The following SH3RF3 variants were observed in gnomAD, a reference collection of about 807,000 sequenced individuals.
SH3RF3 encodes the protein SH3 domain containing ring finger 3.
In SH3RF3, 29 loss-of-function variants were observed where a neutral mutation model predicts 66.3. The observed-to-expected ratio is 0.44, with a 90% CI of 0.33 to 0.60. SH3RF3 has a LOEUF of 0.60. Among genes scored for constraint, SH3RF3 ranks in the 20% least tolerant of loss-of-function variants. The pLI, the probability that SH3RF3 is intolerant of heterozygous loss-of-function variation, is 0.04. For missense variants in SH3RF3, 1,194 were observed against 1,190.9 expected (o/e 1.00, Z -0.04); for synonymous variants, 583 against 532.0 (o/e 1.10, Z -1.32).
intron 1 of SH3RF3, among the ~76,000 whole-genome samples, chr2:109,322,136 T>G: frequency 6.7e-6 from 1 of 149,296 alleles, no homozygotes; most frequent in Non-Finnish European, 1.5e-5. Context: ...GGGTAAGGAG[T>G]AAGGGGGAGG....
At chr2:109,252,029 T>C (rs1680104918) in intron 1 of SH3RF3, among the ~76,000 whole-genome samples, 1 of 152,082 alleles carries the variant, frequency 6.6e-6, no homozygotes, top group African/African-American at 2.4e-5. Context: ...GATGGATCAC[T>C]TGAGCTAAGG....
At chr2:109,202,321 G>T (rs1156584097) in intron 1 of SH3RF3, among the ~76,000 whole-genome samples, 1 of 152,178 alleles carries the variant, frequency 6.6e-6, no homozygotes, top group Non-Finnish European at 1.5e-5. Context: ...GATGGATAAT[G>T]AAACTCCCTA....
At chr2:109,479,864 T>C (rs1678788980) in intron 8 of SH3RF3, among the ~76,000 whole-genome samples, 1 of 152,050 alleles carries the variant, frequency 6.6e-6, no homozygotes, top group South Asian at 2.1e-4. Context: ...CTCAGAGCCT[T>C]CATACGGCAG....
Position 109,503,273 on chromosome 2 carries a change from T to C in SH3RF3, c.*1602T>C, listed in dbSNP as rs1313980660. 3.9e-5 allele frequency: 6 copies of C among 152,180 alleles called. No homozygotes were observed. The highest frequency in any genetic ancestry group is 9.7e-5 in the African/African-American group (4 of 41,434). The allele number at this position is 152,180 out of a possible 1,614,324, so 9.4% of individuals were successfully genotyped here. A position where few individuals can be genotyped will look rare whatever the true frequency, so the allele number is the denominator to read the frequency against. ...CTGAAGAAACTAGCCTTTGGTAACA[T>C]AGGGTGTCATTGGTTTTCAGGGATG... On this transcript the variant is annotated 3_prime_UTR_variant, in exon 10 of 10. Transcript: ENST00000309415.
chr2:109,357,471 G>A (rs989216818), intron 2 of SH3RF3, among the ~76,000 whole-genome samples: 7 of 152,196 alleles, frequency 4.6e-5, no homozygotes, highest in Non-Finnish European at 7.3e-5. Context: ...GTGAGCCACC[G>A]CACCCGGCCA....
intron 1 of SH3RF3, among the ~76,000 whole-genome samples, chr2:109,255,985 A>C (rs554607232): frequency 1.1e-4 from 16 of 152,260 alleles, no homozygotes; most frequent in South Asian, 6.2e-4. Flanking sequence ...CCCCTGAGGA[A>C]GATTCCCTGT....
At position 109,454,464 on chromosome 2, in the gene SH3RF3, G is replaced by A. The variant is rs553995258; in HGVS notation, c.2148+4975G>A. Among the ~76,000 whole-genome samples, 426 of 152,240 alleles carry A rather than the reference G, an allele frequency of 2.8e-3. 2 individuals are homozygous for A. Among genetic ancestry groups the A allele is most frequent in the African/African-American group, 3.1e-3 (128 of 41,536 alleles). ...CATGAGTGGTGCTCCTTGCCTCCTC[G>A]GGGTTCTGAGCCTCTTGCTGTCCCT... On this transcript the variant is annotated intron_variant, in intron 8 of 9. Transcript: ENST00000309415.
Position 109,490,059 on chromosome 2 carries a change from C to A in SH3RF3, c.2149-546C>A, listed in dbSNP as rs150584455. ...AGCCTGGATGAGCTCTTGGTCTTAG[C>A]TTTGTTTTCCTCCTCTGAGCCACTT... On this transcript the variant is annotated intron_variant, in intron 8 of 9. Transcript: ENST00000309415. 8.1e-3 allele frequency among the ~76,000 whole-genome samples: 1,237 copies of A among 152,278 alleles called. 11 individuals carry two copies. The highest frequency in any genetic ancestry group is 0.029 in the South Asian group (141 of 4,820).
chr2:109,285,774 C>T (rs1183598985), intron 1 of SH3RF3, among the ~76,000 whole-genome samples: 1 of 152,216 alleles, frequency 6.6e-6, no homozygotes, highest in African/African-American at 2.4e-5. Flanking sequence ...CCAGACCTGG[C>T]AGGGTGTGAG....
chr2:109,487,791 C>T (rs913312358), intron 8 of SH3RF3, among the ~76,000 whole-genome samples: 8 of 152,128 alleles, frequency 5.3e-5, no homozygotes, highest in Non-Finnish European at 8.8e-5. Context: ...GGGCTCTCCC[C>T]GACGGGCCCA....
intron 1 of SH3RF3, among the ~76,000 whole-genome samples, chr2:109,314,651 A>C (rs1453707548): frequency 2.6e-5 from 4 of 152,216 alleles, no homozygotes; most frequent in Non-Finnish European, 5.9e-5. Flanking sequence ...TAAACTTGTA[A>C]ATTAATCCTC....
chr2:109,195,514 A>G (rs922220456), intron 1 of SH3RF3, among the ~76,000 whole-genome samples: 1 of 152,112 alleles, frequency 6.6e-6, no homozygotes, highest in Non-Finnish European at 1.5e-5. Flanking sequence ...TTGGAAACCT[A>G]CGTTCTTTAG....
intron 1 of SH3RF3, among the ~76,000 whole-genome samples, chr2:109,136,615 T>G (rs1278198130): frequency 6.6e-6 from 1 of 152,160 alleles, no homozygotes; most frequent in Non-Finnish European, 1.5e-5. Context: ...GCTGCAGCTC[T>G]CCTTTGGGAG....
intron 1 of SH3RF3, among the ~76,000 whole-genome samples, chr2:109,317,812 C>CT (rs1040284793): frequency 8.5e-5 from 13 of 152,152 alleles, no homozygotes; most frequent in African/African-American, 3.1e-4. Context: ...TATCCTAGGA[C>CT]TTTAAGAACT....
At chr2:109,276,754 G>A (rs891425) in intron 1 of SH3RF3, among the ~76,000 whole-genome samples, 45,200 of 151,846 alleles carry the variant, frequency 0.3, 7,082 homozygotes, top group East Asian at 0.46. Flanking sequence ...CTTCTCTGTT[G>A]TTTTGTTTCT....
At chr2:109,165,109 C>T (rs1444128233) in intron 1 of SH3RF3, among the ~76,000 whole-genome samples, 2 of 152,206 alleles carry the variant, frequency 1.3e-5, no homozygotes, top group East Asian at 3.8e-4. Context: ...CTAGTTGTTC[C>T]TGGCTTCCCC....
Position 109,432,558 on chromosome 2 carries a change from G to A in SH3RF3, c.1461G>A (p.Lys487=), listed in dbSNP as rs751660571. 6.2e-7 allele frequency: 1 copy of A among 1,613,716 alleles called. No homozygotes were observed. The highest frequency in any genetic ancestry group is 1.1e-5 in the South Asian group (1 of 90,978). ...AGAGTGACGAGCTGGAGCTGCACAA[G>A]GGAGAGATGTACCGGGTCCTCGAGA... is the stretch of plus-strand genomic sequence containing the variant. The part of the protein sequence containing the change: ...PQKSDELELH[K]GEMYRVLEKC... Residue 487 remains lysine (K), a synonymous_variant, in exon 6 of 10, where the codon AAG becomes AAA. Transcript: ENST00000309415.
intron 1 of SH3RF3, among the ~76,000 whole-genome samples, chr2:109,317,154 T>C (rs527685520): frequency 2.6e-4 from 40 of 152,306 alleles, no homozygotes; most frequent in Middle Eastern, 6.8e-3. Context: ...GAGATGTAAG[T>C]TTCATGAAAT....
chr2:109,275,684 G>A (rs896217608), intron 1 of SH3RF3, among the ~76,000 whole-genome samples: 2 of 152,142 alleles, frequency 1.3e-5, no homozygotes, highest in Admixed American at 6.5e-5. Flanking sequence ...CTTGATTAGC[G>A]CGTCCTTTTA....
Sources: allele counts gnomAD v4.1 joint callset (sites outside exome capture counted in the v4.1 genomes callset), GRCh38; gene constraint gnomAD v4.1.1; transcripts MANE v1.5; gene names NCBI Gene and HGNC (gene_info 2026-07-23, HGNC 2026-07-21).